POU6F2: variants seen among roughly 807,000 people sequenced by gnomAD.
POU6F2 encodes POU domain, class 6, transcription factor 2.
In POU6F2, 31 loss-of-function variants were observed where a neutral mutation model predicts 71.3. The observed-to-expected ratio is 0.43, with a 90% CI of 0.33 to 0.59. POU6F2 has a LOEUF of 0.59. Ranked by LOEUF, POU6F2 falls within the 20% of genes least tolerant of loss-of-function variation. POU6F2 has a pLI of 0.04. For synonymous variants in POU6F2, 347 were observed against 355.7 expected, an observed-to-expected ratio of 0.98 and a Z score of 0.27; for missense variants, 783 against 856.8, an observed-to-expected ratio of 0.91 and a Z score of 1.07.
chr7:39,300,077 C>G (rs917793131), intron 4 of POU6F2, among the ~76,000 whole-genome samples: 2 of 152,128 alleles, frequency 1.3e-5, no homozygotes, highest in Non-Finnish European at 2.9e-5. Flanking sequence ...CGAGGACCCA[C>G]CATATACTGT....
intron 4 of POU6F2, among the ~76,000 whole-genome samples, chr7:39,231,871 T>C (rs1422391930): frequency 6.6e-6 from 1 of 152,192 alleles, no homozygotes; most frequent in Non-Finnish European, 1.5e-5. Flanking sequence ...CTTGGAGCAG[T>C]TGAAATGCCC....
chr7:39,175,192 A>G (rs1414896121), intron 2 of POU6F2, among the ~76,000 whole-genome samples: 1 of 152,000 alleles, frequency 6.6e-6, no homozygotes, highest in East Asian at 1.9e-4. Flanking sequence ...TTTGGCTTTA[A>G]TGATATTAAA....
At chr7:38,983,497 C>T (rs1359294578) in intron 1 of POU6F2, among the ~76,000 whole-genome samples, 1 of 151,632 alleles carries the variant, frequency 6.6e-6, no homozygotes, top group East Asian at 1.9e-4. Flanking sequence ...GCCATATTGT[C>T]TTAAACTGAT....
intron 5 of POU6F2, among the ~76,000 whole-genome samples, chr7:39,356,477 T>C (rs1325243429): frequency 6.6e-6 from 1 of 152,240 alleles, no homozygotes; most frequent in Non-Finnish European, 1.5e-5. Context: ...ATTGGGCACT[T>C]AGCATTTGCT....
chr7:39,293,248 G>C (rs1418131433), intron 4 of POU6F2, among the ~76,000 whole-genome samples: 1 of 152,112 alleles, frequency 6.6e-6, no homozygotes, highest in African/African-American at 2.4e-5. Context: ...GTTACTTCCA[G>C]AATTACAAGG....
chr7:38,990,967 T>A (rs1167708419), intron 1 of POU6F2, among the ~76,000 whole-genome samples: 1 of 152,030 alleles, frequency 6.6e-6, no homozygotes, highest in East Asian at 1.9e-4. Context: ...TATTCACATC[T>A]CCCTTCCTTC....
chr7:39,167,173 A>G (rs906040552), intron 2 of POU6F2, among the ~76,000 whole-genome samples: 3 of 152,190 alleles, frequency 2.0e-5, no homozygotes, highest in Non-Finnish European at 4.4e-5. Context: ...GGTATATTAT[A>G]TAAACATATA....
chr7:39,398,657 A>G (rs1310560747), intron 5 of POU6F2, among the ~76,000 whole-genome samples: 1 of 152,216 alleles, frequency 6.6e-6, no homozygotes, highest in Non-Finnish European at 1.5e-5. Context: ...CACTGGTGGA[A>G]ACAGCAAAGC....
intron 1 of POU6F2, among the ~76,000 whole-genome samples, chr7:39,059,236 G>A (rs911289020): frequency 5.3e-5 from 8 of 151,968 alleles, no homozygotes; most frequent in African/African-American, 1.9e-4. Context: ...AAAATATTAT[G>A]TTTAGAGATA....
In POU6F2 at chr7:39,040,472, T is replaced by C. The variant is rs371029752; in HGVS notation, c.106-45388T>C. Reference sequence around the variant, plus strand: ...TAAACAACATTATTTCCTAAGGAAATAGTCAGAAATGGAATGAAAATTTTC... The same window carrying C: ...TAAACAACATTATTTCCTAAGGAAACAGTCAGAAATGGAATGAAAATTTTC... On this transcript the variant is annotated intron_variant, in intron 1 of 9. Coordinates refer to ENST00000518318, the MANE Select transcript of POU6F2 (RefSeq NM_001370959.1). Among the ~76,000 whole-genome samples, 25 of 151,652 alleles carry C rather than the reference T, an allele frequency of 1.6e-4. No individual in the cohort carries two copies. The South Asian group carries it at 4.8e-3, about 29-fold the overall frequency.
intron 4 of POU6F2, among the ~76,000 whole-genome samples, chr7:39,212,792 T>C (rs1201128751): frequency 6.6e-6 from 1 of 152,242 alleles, no homozygotes; most frequent in Admixed American, 6.5e-5. Context: ...CAGATAGCTG[T>C]ACTAAAGATG....
At chr7:39,046,822 T>C (rs1383040584) in intron 1 of POU6F2, among the ~76,000 whole-genome samples, 2 of 151,964 alleles carry the variant, frequency 1.3e-5, no homozygotes, top group Non-Finnish European at 2.9e-5. Context: ...AGAAGTTTTA[T>C]AGTTTAAACT....
At chr7:39,027,179 T>A (rs1012706429) in intron 1 of POU6F2, among the ~76,000 whole-genome samples, 12 of 152,150 alleles carry the variant, frequency 7.9e-5, no homozygotes, top group African/African-American at 2.9e-4. Context: ...TTTTGAGCAA[T>A]CTGAATGAGT....
intron 4 of POU6F2, among the ~76,000 whole-genome samples, chr7:39,292,936 G>T (rs866532305): frequency 6.6e-6 from 1 of 152,130 alleles, no homozygotes; most frequent in South Asian, 2.1e-4. Context: ...TAGGCTGTGC[G>T]CAAATGAGCC....
chr7:38,990,498 C>T (rs750799082), intron 1 of POU6F2, among the ~76,000 whole-genome samples: 5 of 152,046 alleles, frequency 3.3e-5, no homozygotes, highest in African/African-American at 7.2e-5. Flanking sequence ...TATCTCCTTT[C>T]GCTTTTACAA....
intron 1 of POU6F2, among the ~76,000 whole-genome samples, chr7:39,067,273 T>C (rs1435676524): frequency 6.6e-6 from 1 of 151,288 alleles, no homozygotes; most frequent in Non-Finnish European, 1.5e-5. Context: ...TTTAATGCCA[T>C]ATACCCATTC....
intron 2 of POU6F2, among the ~76,000 whole-genome samples, chr7:39,195,350 A>G (rs186763601): frequency 1.3e-5 from 2 of 152,302 alleles, no homozygotes; most frequent in African/African-American, 2.4e-5. Flanking sequence ...CCCAGAGGCT[A>G]TCATTTTCAA....
At chr7:39,197,854 T>C (rs1031107070) in intron 2 of POU6F2, among the ~76,000 whole-genome samples, 6 of 152,146 alleles carry the variant, frequency 3.9e-5, no homozygotes, top group East Asian at 1.9e-4. Context: ...CACATACATA[T>C]AGAGATACAT....
Position 38,978,044 on chromosome 7 carries a change from G to C in POU6F2, c.91G>C (p.Ala31Pro), listed in dbSNP as rs1240413783. The C allele has an allele frequency of 1.3e-5, 2 of 152,224 alleles. No homozygotes were observed. The highest frequency in any genetic ancestry group is 3.8e-4 in the East Asian group (2 of 5,196). 9.4% of individuals were successfully genotyped at this position (152,224 alleles called of 1,614,324 possible). Residue 31 changes from alanine to proline, a missense_variant, in exon 1 of 10, where the codon GCT (alanine) becomes CCT (proline). Ala to Pro is a conservative substitution (Grantham distance 27). This residue lies in a region of POU6F2 where 572 missense variants were observed against 572.9 expected (regional missense o/e 1.00). Transcript: ENST00000518318. The stretch of plus-strand genomic sequence containing the variant: ...GCAGCAGGACACGGGGACCATGCAA[G>C]CTGTAATTGGTCAGGTATGGAGTCA... The part of the protein sequence containing the change: ...SAQQDTGTMQ[A>P]VIGQDPMIAG...
Sources: allele counts gnomAD v4.1 joint callset (sites outside exome capture counted in the v4.1 genomes callset), GRCh38; gene constraint gnomAD v4.1.1; regional missense constraint gnomAD v4.1.1; transcripts MANE v1.5; gene names NCBI Gene and HGNC (gene_info 2026-07-23, HGNC 2026-07-21).